GTF3C1: variants seen among roughly 807,000 people sequenced by gnomAD.
GTF3C1 encodes the protein general transcription factor IIIC subunit 1.
Under a neutral mutation model 226.7 loss-of-function variants are expected in GTF3C1, and 57 were observed. The ratio of observed to expected loss-of-function variants is 0.25; its 90% CI spans 0.20 to 0.31. The LOEUF (loss-of-function observed/expected upper bound fraction) is 0.31. Ranked by LOEUF, GTF3C1 falls within the 10% of genes least tolerant of loss-of-function variation. GTF3C1 has a pLI of 1.00. For missense variants in GTF3C1, 2,217 were observed against 2,776.1 expected (o/e 0.80, Z 4.53); for synonymous variants, 1,090 against 1,084.8 (o/e 1.00, Z -0.09).
chr16:27,503,381 T>G (rs1205499201), intron 10 of GTF3C1, among the ~76,000 whole-genome samples: 1 of 152,198 alleles, frequency 6.6e-6, no homozygotes, highest in Non-Finnish European at 1.5e-5. Context: ...GCTTTTTTCT[T>G]CAAAAACTCT....
Position 27,495,641 on chromosome 16 carries a change from G to A in GTF3C1, c.2351-149C>T, listed in dbSNP as rs527585945. On this transcript the variant is annotated intron_variant, in intron 14 of 36. Transcript: ENST00000356183. Reference sequence around the variant, plus strand: ...TGTCTTAGAGCTTACTTTCTAATGGGCAAGAACGGATAATAAAATATAATA... The same window carrying A: ...TGTCTTAGAGCTTACTTTCTAATGGACAAGAACGGATAATAAAATATAATA... 7 of 707,498 alleles carry A rather than the reference G, an allele frequency of 9.9e-6. No individual in the cohort carries two copies. The East Asian group carries it at 1.6e-4, about 16-fold the overall frequency. 43.8% of individuals were successfully genotyped at this position (707,498 alleles called of 1,614,324 possible).
At chr16:27,472,492 A>T (rs1350802594) in intron 29 of GTF3C1, among the ~76,000 whole-genome samples, 1 of 152,012 alleles carries the variant, frequency 6.6e-6, no homozygotes, top group African/African-American at 2.4e-5. Context: ...CAGACCACAC[A>T]TTCCTGCCCT....
At chr16:27,502,740 T>TAC (rs1325077247) in intron 11 of GTF3C1, 119 bp downstream of exon 11, 1 of 1,045,352 alleles carries the variant, frequency 9.6e-7, no homozygotes, top group Non-Finnish European at 1.4e-6. Context: ...GATGAGAATC[T>TAC]ACACAGTGGG....
intron 1 of GTF3C1, among the ~76,000 whole-genome samples, chr16:27,546,472 G>GT (rs1159694912): frequency 0.024 from 1,997 of 82,684 alleles, 33 homozygotes; most frequent in African/African-American, 0.063. Flanking sequence ...AGCTTGTCAA[G>GT]TTTTTTTTTT....
At chr16:27,480,196 C>A (rs1596621288) in intron 27 of GTF3C1, among the ~76,000 whole-genome samples, 2 of 119,402 alleles carry the variant, frequency 1.7e-5, no homozygotes, top group Admixed American at 8.9e-5. Flanking sequence ...GGTGAGACTC[C>A]ATCTCAAAAA....
chr16:27,537,465 A>G (rs988636210), intron 4 of GTF3C1, among the ~76,000 whole-genome samples: 27 of 152,340 alleles, frequency 1.8e-4, no homozygotes, highest in Admixed American at 1.8e-3. Context: ...GCTGGAGTAT[A>G]GCAGTGCAGT....
At chr16:27,541,733 T>C (rs1274583986) in intron 2 of GTF3C1, among the ~76,000 whole-genome samples, 3 of 152,246 alleles carry the variant, frequency 2.0e-5, no homozygotes, top group Admixed American at 6.5e-5. Context: ...GAGCCCAGCA[T>C]GTTGAGGCTG....
intron 1 of GTF3C1, 104 bp downstream of exon 1, chr16:27,549,566 G>A (rs1286101508): frequency 9.9e-6 from 7 of 708,576 alleles, no homozygotes; most frequent in African/African-American, 1.8e-5. Context: ...CAGGCCTCCG[G>A]TACTTGCACA....
intron 23 of GTF3C1, 61 bp downstream of exon 23, chr16:27,488,166 C>T (rs1230158504): frequency 7.5e-6 from 11 of 1,458,900 alleles, no homozygotes; most frequent in East Asian, 4.6e-5. Flanking sequence ...GTGAGGCTGT[C>T]GCACATCTCC....
intron 32 of GTF3C1, 31 bp from the exon 33 acceptor site, chr16:27,465,571 GCCCGACAGAGGCCC>G (rs756986971): frequency 1.5e-4 from 234 of 1,557,252 alleles, no homozygotes; most frequent in Non-Finnish European, 2.0e-4. Flanking sequence ...ATCAGAGGCA[GCCCGACAGAGGCCC>G]CCCTCCCCTG....
chr16:27,511,791 T>C lies in GTF3C1; in HGVS notation c.1084A>G (p.Ile362Val), dbSNP rs768386057. ...VISKTVPPVD[I>V]VFERDMLTQT... ...GTGAGCATATCCCGCTCGAACACAA[T>C]GTCCACTGGAGGCACTGTCTTGGAG... Residue 362 changes from isoleucine to valine, a missense_variant, in exon 7 of 37, where the codon ATT becomes GTT. Around this residue, in one of 12 missense-constraint regions of GTF3C1, gnomAD observed 163 missense variants for 234.3 expected, o/e 0.70. Transcript: ENST00000356183. The C allele has an allele frequency of 9.3e-6, 15 of 1,614,022 alleles. No individual in the cohort carries two copies. Among genetic ancestry groups the C allele is most frequent in the Middle Eastern group, 1.6e-4 (1 of 6,084 alleles).
In GTF3C1 at chr16:27,546,776, T is replaced by C. The variant is rs115405203; in HGVS notation, c.222-1253A>G. 9.8e-3 allele frequency among the ~76,000 whole-genome samples: 1,487 copies of C among 152,006 alleles called. 30 individuals carry two copies. The highest frequency in any genetic ancestry group is 0.033 in the African/African-American group (1,386 of 41,452). Reference sequence around the variant, plus strand: ...CTGCACCATTTAACCCTCCATTCCTTTTTTTTAAGACTTGAGTTTTGATCT... The same window carrying C: ...CTGCACCATTTAACCCTCCATTCCTCTTTTTTAAGACTTGAGTTTTGATCT... On this transcript the variant is annotated intron_variant, in intron 1 of 36. Coordinates refer to ENST00000356183, the MANE Select transcript of GTF3C1 (RefSeq NM_001520.4).
At position 27,507,664 on chromosome 16, in the gene GTF3C1, C is replaced by T. The variant is rs2088507623; in HGVS notation, c.1243-508G>A. ...GCCTTTGATAGGAAAAGAGTAACATCTAGGTACTATCACATGCCAGGGATG... is the reference window on the plus strand; with the variant it reads ...GCCTTTGATAGGAAAAGAGTAACATTTAGGTACTATCACATGCCAGGGATG... On this transcript the variant is annotated intron_variant, in intron 8 of 36. Transcript: ENST00000356183. The surrounding 1 kb of genome is among the most constrained non-coding windows in gnomAD (Gnocchi z 4.9). 1.3e-5 allele frequency among the ~76,000 whole-genome samples: 2 copies of T among 152,234 alleles called. No homozygotes were observed. The highest frequency in any genetic ancestry group is 4.1e-4 in the South Asian group (2 of 4,832).
In GTF3C1 at chr16:27,470,655, C is replaced by G. The variant is rs75531349; in HGVS notation, c.4527-260G>C. 6.3e-6 allele frequency: 3 copies of G among 474,904 alleles called. No homozygotes were observed. The highest frequency in any genetic ancestry group is 1.1e-5 in the Non-Finnish European group (3 of 261,786). The allele number at this position is 474,904 out of a possible 1,614,324, so 29.4% of individuals were successfully genotyped here. A position where few individuals can be genotyped will look rare whatever the true frequency, so the allele number is the denominator to read the frequency against. ...TCTAATTCAATGTGGCCTCACCTGG[C>G]GCTCCAGGAGGGCGCTGGCAGGCTC... On this transcript the variant is annotated intron_variant, in intron 30 of 36. Coordinates refer to ENST00000356183, the MANE Select transcript of GTF3C1 (RefSeq NM_001520.4). This position sits in a 1 kb window ranked among gnomAD's most constrained non-coding sequence, Gnocchi z 4.9.
intron 33 of GTF3C1, among the ~76,000 whole-genome samples, chr16:27,465,037 G>A (rs1311704360): frequency 6.6e-6 from 1 of 152,210 alleles, no homozygotes; most frequent in Non-Finnish European, 1.5e-5. Flanking sequence ...TTTCTCTCTG[G>A]CTGCTCGTGA....
chr16:27,521,642 T>C (rs900658251), intron 6 of GTF3C1, among the ~76,000 whole-genome samples: 1 of 152,272 alleles, frequency 6.6e-6, no homozygotes, highest in Admixed American at 6.5e-5. Flanking sequence ...TTCACACCTT[T>C]GGGGCTCTTA....
In GTF3C1 at chr16:27,535,844, G is replaced by A. The variant is rs564975718; in HGVS notation, c.752+1940C>T. Among the ~76,000 whole-genome samples, 27 of 151,042 alleles carry A rather than the reference G, an allele frequency of 1.8e-4. 1 individual carries two copies. Among genetic ancestry groups the A allele is most frequent in the Middle Eastern group, 6.8e-3 (2 of 292 alleles). On this transcript the variant is annotated intron_variant, in intron 4 of 36. Transcript: ENST00000356183. ...GCCTGGGCAACAAGAGCGAAACTCC[G>A]TCTCAAAAAAAAAAAAGGTGATCTC...
In GTF3C1 at chr16:27,484,250, C is replaced by T. The variant is rs751196060; in HGVS notation, c.3962G>A (p.Arg1321His). Residue 1321 changes from arginine to histidine, a missense_variant, in exon 25 of 37, where the codon CGC becomes CAC. By Grantham distance (29) the Arg-to-His change is conservative. This residue lies in a region of GTF3C1 where 546 missense variants were observed against 663.0 expected (regional missense o/e 0.82). Transcript: ENST00000356183. Reference sequence around the variant, plus strand: ...GGCCTGTGGGTTTTTGACTATGTAGCGAGCTCTTCGTCCAACGGAATGAGA... The same window carrying T: ...GGCCTGTGGGTTTTTGACTATGTAGTGAGCTCTTCGTCCAACGGAATGAGA... ...KTSHSVGRRARYIVKNPQAYL... is the reference protein window; with the variant it reads ...KTSHSVGRRAHYIVKNPQAYL... The T allele has an allele frequency of 8.7e-6, 14 of 1,608,646 alleles. No individual in the cohort carries two copies. The Admixed American group carries it at 1.7e-4, about 19-fold the overall frequency.
chr16:27,505,783 C>G lies in GTF3C1; in HGVS notation c.1770+116G>C, dbSNP rs982640537. ...CCTGGGAAGCACAGGCAGGCCTCGG[C>G]ACGCAGCACTCTCGCTGTGGATGAT... On this transcript the variant is annotated intron_variant, in intron 10 of 36. Coordinates refer to ENST00000356183, the MANE Select transcript of GTF3C1 (RefSeq NM_001520.4). 27 of 688,070 alleles carry G rather than the reference C, an allele frequency of 3.9e-5. No homozygotes were observed. In the African/African-American group the frequency reaches 4.6e-4, roughly 12 times the overall value. The allele number at this position is 688,070 out of a possible 1,614,324, so 42.6% of individuals were successfully genotyped here.
Sources: allele counts gnomAD v4.1 joint callset (sites outside exome capture counted in the v4.1 genomes callset), GRCh38; gene constraint gnomAD v4.1.1; regional missense constraint gnomAD v4.1.1; non-coding constraint Gnocchi (gnomAD v3.1); transcripts MANE v1.5; gene names NCBI Gene and HGNC (gene_info 2026-07-23, HGNC 2026-07-21).